CDK13: variants seen among roughly 807,000 people sequenced by gnomAD.
CDK13 encodes cyclin dependent kinase 13, also known as cyclin-dependent kinase 13.
Under a neutral mutation model 137.6 loss-of-function variants are expected in CDK13, and 40 were observed. That is an observed-to-expected ratio of 0.29 (90% CI 0.23 to 0.38). The LOEUF is 0.38. Ranked by LOEUF, CDK13 falls within the 10% of genes least tolerant of loss-of-function variation. The probability of loss-of-function intolerance (pLI) is 1.00; values close to 1 mark genes in which losing one functional copy is unlikely to be tolerated. For missense variants in CDK13, 1,704 were observed against 1,951.8 expected (o/e 0.87, Z 2.39); for synonymous variants, 869 against 760.1 (o/e 1.14, Z -2.36).
chr7:39,996,743 A>G (rs571311435), intron 2 of CDK13, among the ~76,000 whole-genome samples: 10 of 152,158 alleles, frequency 6.6e-5, no homozygotes, highest in African/African-American at 2.4e-4. Context: ...CGGGTGGATC[A>G]CTTGAGGTTG....
chr7:39,989,076 C>G (rs1322842588), intron 2 of CDK13, among the ~76,000 whole-genome samples: 1 of 97,696 alleles, frequency 1.0e-5, no homozygotes, highest in Non-Finnish European at 1.9e-5. Context: ...ACAGTAAGAC[C>G]GTGTCTCACC....
chr7:39,975,614 G>A (rs573992350), intron 1 of CDK13, among the ~76,000 whole-genome samples: 20 of 152,256 alleles, frequency 1.3e-4, no homozygotes, highest in Non-Finnish European at 2.6e-4. Context: ...AATGAATAAT[G>A]TATGCATTAA....
chr7:40,071,681 T>C (rs927628808), intron 9 of CDK13: 5 of 152,248 alleles, frequency 3.3e-5, no homozygotes, highest in Admixed American at 2.0e-4. Flanking sequence ...ATGTAATGTT[T>C]TATGTTATAT....
At chr7:40,006,396 G>A (rs898421245) in intron 5 of CDK13, among the ~76,000 whole-genome samples, 1 of 152,176 alleles carries the variant, frequency 6.6e-6, no homozygotes, top group Non-Finnish European at 1.5e-5. Context: ...GAATTATTTT[G>A]CAACATAAGC....
intron 9 of CDK13, chr7:40,072,964 A>G (rs1786455673): frequency 6.6e-6 from 1 of 152,242 alleles, no homozygotes; most frequent in Non-Finnish European, 1.5e-5. Context: ...AGCCACAAAA[A>G]TTAAAATCCA....
At chr7:39,973,607 G>C (rs78472108) in intron 1 of CDK13, among the ~76,000 whole-genome samples, 4,662 of 152,128 alleles carry the variant, frequency 0.031, 231 homozygotes, top group African/African-American at 0.11. Context: ...ATTTTATTTT[G>C]ATGGAGTCCA....
intron 9 of CDK13, among the ~76,000 whole-genome samples, 177 bp from the exon 10 acceptor site, chr7:40,077,827 GC>G (rs1786579326): frequency 6.6e-6 from 1 of 152,190 alleles, no homozygotes; most frequent in Admixed American, 6.5e-5. Flanking sequence ...CTGTACTCCA[GC>G]CTGGGTGACA....
At chr7:40,062,662 G>T in intron 7 of CDK13, 164 bp from the exon 8 acceptor site, 1 of 634,270 alleles carries the variant, frequency 1.6e-6, no homozygotes, top group Non-Finnish European at 2.8e-6. Flanking sequence ...TACATTTTAT[G>T]ATCTTATATT....
At chr7:40,021,118 TATATACACACAC>T (rs1466829681) in intron 5 of CDK13, among the ~76,000 whole-genome samples, 10 of 107,096 alleles carry the variant, frequency 9.3e-5, no homozygotes, top group African/African-American at 2.5e-4. Context: ...TATATATATA[TATATACACACAC>T]ACACACACAC....
intron 5 of CDK13, among the ~76,000 whole-genome samples, chr7:40,044,936 G>A (rs1785703218): frequency 6.6e-6 from 1 of 152,018 alleles, no homozygotes; most frequent in Non-Finnish European, 1.5e-5. Context: ...GGCAATTTTT[G>A]TTTTTAATCT....
Position 40,096,120 on chromosome 7 carries a change from A to G in CDK13, c.*1140A>G, listed in dbSNP as rs1787041642. 1.3e-5 allele frequency: 2 copies of G among 152,274 alleles called. No individual in the cohort carries two copies. Among genetic ancestry groups the G allele is most frequent in the African/African-American group, 4.8e-5 (2 of 41,554 alleles). The allele number at this position is 152,274 out of a possible 1,614,324, so 9.4% of individuals were successfully genotyped here. A position where few individuals can be genotyped will look rare whatever the true frequency, so the allele number is the denominator to read the frequency against. On this transcript the variant is annotated 3_prime_UTR_variant, in exon 14 of 14. Coordinates refer to ENST00000181839, the MANE Select transcript of CDK13 (RefSeq NM_003718.5). ...AACAGAACTTGCCTAAATGTGTTAA[A>G]GTTCATGGGGGAGGGGTGGCAAATA...
chr7:39,993,615 C>T (rs1163901360), intron 2 of CDK13, among the ~76,000 whole-genome samples: 1 of 151,928 alleles, frequency 6.6e-6, no homozygotes, highest in Non-Finnish European at 1.5e-5. Context: ...GATAATGTTT[C>T]TTGACTTGCT....
At chr7:39,977,127 T>C (rs1244201950) in intron 1 of CDK13, among the ~76,000 whole-genome samples, 1 of 152,200 alleles carries the variant, frequency 6.6e-6, no homozygotes, top group Non-Finnish European at 1.5e-5. Context: ...TCCTTTATGC[T>C]AGTCCTTGAG....
intron 1 of CDK13, among the ~76,000 whole-genome samples, chr7:39,955,412 T>G (rs1787377347): frequency 6.6e-6 from 1 of 152,136 alleles, no homozygotes; most frequent in Non-Finnish European, 1.5e-5. Context: ...GGTTACAATA[T>G]GAAGGTGGAT....
chr7:40,054,584 C>T (rs896738365), intron 7 of CDK13, among the ~76,000 whole-genome samples: 5 of 152,060 alleles, frequency 3.3e-5, no homozygotes, highest in African/African-American at 9.7e-5. Flanking sequence ...GCACCTGCCA[C>T]CACACCCAGC....
chr7:40,089,301 A>G (rs972345121), intron 12 of CDK13, among the ~76,000 whole-genome samples: 18 of 149,524 alleles, frequency 1.2e-4, no homozygotes, highest in African/African-American at 3.5e-4. Context: ...TTAGCTGGGC[A>G]TGGTGGCACA....
intron 12 of CDK13, chr7:40,092,282 G>C (rs1177934381): frequency 6.5e-6 from 1 of 155,034 alleles, no homozygotes; most frequent in African/African-American, 2.4e-5. Context: ...ATCAGATTCA[G>C]ATCTCACCTC....
chr7:39,958,986 T>G (rs1787516514), intron 1 of CDK13, among the ~76,000 whole-genome samples: 1 of 152,204 alleles, frequency 6.6e-6, no homozygotes, highest in Non-Finnish European at 1.5e-5. Context: ...AGATGGGGTT[T>G]TGCCATGTTG....
rs575441749 is a variant in CDK13, at chr7:39,968,475, G to C, written c.1211+16623G>C. Among the ~76,000 whole-genome samples, 214 of 152,250 alleles carry C rather than the reference G, an allele frequency of 1.4e-3. 1 individual carries two copies. Among genetic ancestry groups the C allele is most frequent in the Middle Eastern group, 3.4e-3 (1 of 294 alleles). On this transcript the variant is annotated intron_variant, in intron 1 of 13. Coordinates refer to ENST00000181839, the MANE Select transcript of CDK13 (RefSeq NM_003718.5). ...CTGGTCTTGGAACTCCTAGGTTCAAGCAGTCCTCCCGCCTAGCCTCTGCAG... is the reference window on the plus strand; with the variant it reads ...CTGGTCTTGGAACTCCTAGGTTCAACCAGTCCTCCCGCCTAGCCTCTGCAG...
Sources: gnomAD v4.1 joint callset for allele counts (sites outside exome capture counted in the v4.1 genomes callset) on GRCh38, gnomAD v4.1.1 for gene constraint, MANE v1.5 for transcripts, NCBI Gene and HGNC (gene_info 2026-07-23, HGNC 2026-07-21) for gene names.